Variants in EPHA3 observed in about 807,000 individuals in gnomAD.
EPHA3 encodes EPH receptor A3.
Under a neutral mutation model 107.1 loss-of-function variants are expected in EPHA3, and 42 were observed. The ratio of observed to expected loss-of-function variants is 0.39; its 90% CI spans 0.31 to 0.51. EPHA3 has a LOEUF of 0.51. Ranked by LOEUF, EPHA3 falls within the 20% of genes least tolerant of loss-of-function variation. The pLI, the probability that EPHA3 is intolerant of heterozygous loss-of-function variation, is 0.78. For missense variants in EPHA3, 1,183 were observed against 1,211.2 expected (o/e 0.98, Z 0.35); for synonymous variants, 461 against 424.8 (o/e 1.09, Z -1.05).
chr3:89,332,064 A>G (rs187505120), intron 3 of EPHA3, among the ~76,000 whole-genome samples: 137 of 152,288 alleles, frequency 9.0e-4, no homozygotes, highest in Admixed American at 3.7e-3. Flanking sequence ...AAGACTTTCT[A>G]TCCCATTCTC....
chr3:89,381,210 G>A (rs1224653264), intron 5 of EPHA3, among the ~76,000 whole-genome samples: 2 of 151,084 alleles, frequency 1.3e-5, no homozygotes, highest in African/African-American at 2.4e-5. Flanking sequence ...CTGACCTCGT[G>A]ATCCGCCTGC....
intron 13 of EPHA3, among the ~76,000 whole-genome samples, chr3:89,444,304 T>G (rs1329755039): frequency 1.3e-5 from 2 of 152,148 alleles, no homozygotes; most frequent in Non-Finnish European, 2.9e-5. Flanking sequence ...TTTAAAGAGT[T>G]TATGAGAATG....
At chr3:89,157,645 C>T (rs1704836255) in intron 2 of EPHA3, among the ~76,000 whole-genome samples, 1 of 151,832 alleles carries the variant, frequency 6.6e-6, no homozygotes, top group African/African-American at 2.4e-5. Flanking sequence ...GGCAGGGGAA[C>T]CCAGAAGCAG....
intron 5 of EPHA3, among the ~76,000 whole-genome samples, chr3:89,390,487 C>A (rs988326105): frequency 9.2e-5 from 14 of 151,538 alleles, no homozygotes; most frequent in Admixed American, 4.6e-4. Flanking sequence ...GTAATCCCAG[C>A]TACTCGGGAG....
At position 89,390,210 on chromosome 3, in the gene EPHA3, C is replaced by T. The variant is rs1231355507; in HGVS notation, c.1307-5627C>T. Among the ~76,000 whole-genome samples, 4 of 152,190 alleles carry T rather than the reference C, an allele frequency of 2.6e-5. No individual in the cohort carries two copies. The East Asian group carries it at 5.8e-4, about 22-fold the overall frequency. On this transcript the variant is annotated intron_variant, in intron 5 of 16. Transcript: ENST00000336596. Reference sequence around the variant, plus strand: ...TTTGCCATATTGGTCAAGCTGGTCTCGACCTCCTGACCTCATGATTTGCCC... The same window carrying T: ...TTTGCCATATTGGTCAAGCTGGTCTTGACCTCCTGACCTCATGATTTGCCC...
At chr3:89,294,985 TTC>T (rs1422738112) in intron 3 of EPHA3, among the ~76,000 whole-genome samples, 1 of 152,224 alleles carries the variant, frequency 6.6e-6, no homozygotes, top group Non-Finnish European at 1.5e-5. Flanking sequence ...TCCTTGTGAG[TTC>T]TGTTTTTTAC....
intron 3 of EPHA3, among the ~76,000 whole-genome samples, chr3:89,221,196 T>A (rs538111382): frequency 1.7e-4 from 26 of 152,344 alleles, no homozygotes; most frequent in African/African-American, 6.3e-4. Flanking sequence ...AGAGTATGTT[T>A]ACTGTAAGGA....
At chr3:89,218,749 T>A (rs914511792) in intron 3 of EPHA3, among the ~76,000 whole-genome samples, 1 of 152,166 alleles carries the variant, frequency 6.6e-6, no homozygotes, top group African/African-American at 2.4e-5. Context: ...TCATTGGCCA[T>A]CAGAGAAATG....
intron 2 of EPHA3, among the ~76,000 whole-genome samples, chr3:89,171,562 G>A (rs1309879014): frequency 1.3e-5 from 2 of 152,134 alleles, no homozygotes; most frequent in Non-Finnish European, 2.9e-5. Context: ...TAAGAAAATG[G>A]TGAATGATAA....
intron 7 of EPHA3, among the ~76,000 whole-genome samples, chr3:89,406,164 C>CA: frequency 6.6e-6 from 1 of 152,158 alleles, no homozygotes; most frequent in East Asian, 1.9e-4. Flanking sequence ...TAACTGGAGG[C>CA]AGAATGATTA....
chr3:89,455,218 T>C (rs1710072357), intron 15 of EPHA3, among the ~76,000 whole-genome samples: 1 of 152,128 alleles, frequency 6.6e-6, no homozygotes. Context: ...AATAAGTAAA[T>C]GGCCGTGATG....
intron 13 of EPHA3, among the ~76,000 whole-genome samples, chr3:89,433,191 T>C (rs1386856424): frequency 1.3e-5 from 2 of 152,130 alleles, no homozygotes; most frequent in African/African-American, 4.8e-5. Flanking sequence ...CAATTTTCTC[T>C]CCTAATGGCA....
At chr3:89,195,446 A>G (rs924962245) in intron 2 of EPHA3, among the ~76,000 whole-genome samples, 1 of 152,174 alleles carries the variant, frequency 6.6e-6, no homozygotes, top group African/African-American at 2.4e-5. Context: ...TGGCACCTGC[A>G]GCACAGGGTT....
intron 2 of EPHA3, among the ~76,000 whole-genome samples, chr3:89,191,729 T>C (rs1410176462): frequency 6.6e-6 from 1 of 152,172 alleles, no homozygotes; most frequent in Non-Finnish European, 1.5e-5. Flanking sequence ...CTGAAATGAC[T>C]GATTCATTTG....
chr3:89,361,919 C>CAA (rs1484463297), intron 5 of EPHA3, among the ~76,000 whole-genome samples: 14 of 151,044 alleles, frequency 9.3e-5, no homozygotes, highest in Non-Finnish European at 1.9e-4. Context: ...GTGGGAAAAG[C>CAA]AATATTTTTA....
intron 3 of EPHA3, among the ~76,000 whole-genome samples, chr3:89,331,348 A>T (rs2107398402): frequency 6.6e-6 from 1 of 152,318 alleles, no homozygotes; most frequent in South Asian, 2.1e-4. Context: ...ATACATTTTT[A>T]TCCTGCCTTT....
At chr3:89,299,083 T>G (rs1183569939) in intron 3 of EPHA3, among the ~76,000 whole-genome samples, 2 of 152,136 alleles carry the variant, frequency 1.3e-5, no homozygotes, top group African/African-American at 4.8e-5. Flanking sequence ...TGAAGACATA[T>G]GTAAATATCA....
chr3:89,269,306 G>A (rs570452194), intron 3 of EPHA3, among the ~76,000 whole-genome samples: 8 of 152,212 alleles, frequency 5.3e-5, no homozygotes, highest in Admixed American at 4.6e-4. Flanking sequence ...TGGAACATTA[G>A]TTTCCAAAAT....
chr3:89,138,886 A>G (rs1393256988), intron 2 of EPHA3, among the ~76,000 whole-genome samples: 2 of 151,922 alleles, frequency 1.3e-5, no homozygotes, highest in East Asian at 1.9e-4. Context: ...AAGAGAAGTC[A>G]TATGTGGAAA....
Sources: allele counts gnomAD v4.1 joint callset (sites outside exome capture counted in the v4.1 genomes callset), GRCh38; gene constraint gnomAD v4.1.1; transcripts MANE v1.5; gene names NCBI Gene and HGNC (gene_info 2026-07-23, HGNC 2026-07-21).